CAMSAP2: variants seen among roughly 807,000 people sequenced by gnomAD.
CAMSAP2 encodes the protein calmodulin-regulated spectrin-associated protein 2.
In CAMSAP2, 26 loss-of-function variants were observed where a neutral mutation model predicts 146.1. The ratio of observed to expected loss-of-function variants is 0.18; its 90% CI spans 0.13 to 0.25. The LOEUF is 0.25. CAMSAP2 is among the 10% of genes least tolerant of loss of function. The pLI is 1.00. For synonymous variants in CAMSAP2, 499 were observed against 596.6 expected (o/e 0.84, Z 2.38); for missense variants, 1,381 against 1,759.3 (o/e 0.78, Z 3.85).
intron 2 of CAMSAP2, among the ~76,000 whole-genome samples, chr1:200,801,281 A>G (rs1043615486): frequency 6.7e-6 from 1 of 150,048 alleles, no homozygotes; most frequent in Non-Finnish European, 1.5e-5. Context: ...AAAAAAAAAT[A>G]GAATGTTGAA....
rs141872752 is a variant in CAMSAP2 at position 200,778,605 on chromosome 1, A to C, written c.399+17507A>C. 3.3e-4 allele frequency among the ~76,000 whole-genome samples: 50 copies of C among 152,288 alleles called. 1 individual carries two copies. In the East Asian group the frequency reaches 7.7e-3, roughly 24 times the overall value. On this transcript the variant is annotated intron_variant, in intron 2 of 16. Coordinates refer to ENST00000358823, the MANE Select transcript of CAMSAP2 (RefSeq NM_203459.4). ...TTTTTGTGTCTAGCTGTGTTGTTTA[A>C]AATTTAACAAATAATTAATCATGTT...
chr1:200,848,832 G>A lies in CAMSAP2; in HGVS notation c.2063G>A (p.Ser688Asn), dbSNP rs761739448. ...TCTAGTTCTGGAGTTAAAATGACCA[G>A]CTTTGCTGAACAAAAATTCAGGAAA... Reference protein sequence around the residue: ...ASSSSGVKMTSFAEQKFRKLN... With the variant: ...ASSSSGVKMTNFAEQKFRKLN... The change falls in exon 11 of 17, where the codon AGC (serine) becomes AAC (asparagine). Residue 688 changes from serine to asparagine, a missense_variant. Around this residue, in one of 4 missense-constraint regions of CAMSAP2, gnomAD observed 447 missense variants for 462.2 expected, o/e 0.97. Coordinates refer to ENST00000358823, the MANE Select transcript of CAMSAP2 (RefSeq NM_203459.4). 1 of 1,614,138 alleles carries A rather than the reference G, an allele frequency of 6.2e-7. No individual in the cohort carries two copies. The highest frequency in any genetic ancestry group is 8.5e-7 in the Non-Finnish European group (1 of 1,179,996).
At chr1:200,745,081 A>G (rs537284434) in intron 1 of CAMSAP2, among the ~76,000 whole-genome samples, 305 of 152,308 alleles carry the variant, frequency 2.0e-3, no homozygotes, top group African/African-American at 6.7e-3. Flanking sequence ...AATTCTGAGA[A>G]TGAGCCTATT....
At chr1:200,741,481 T>A (rs945535644) in intron 1 of CAMSAP2, among the ~76,000 whole-genome samples, 3 of 152,200 alleles carry the variant, frequency 2.0e-5, no homozygotes, top group African/African-American at 7.2e-5. Context: ...GGATGGCAAA[T>A]CAAGGCTATT....
Position 200,856,006 on chromosome 1 carries a change from T to C in CAMSAP2, c.3897-4T>C. Reference sequence around the variant, plus strand: ...ACATAAAACATATTTTATTTTCTAATTAGATCAGAGTCTGTAGAAGGCTTC... The same window carrying C: ...ACATAAAACATATTTTATTTTCTAACTAGATCAGAGTCTGTAGAAGGCTTC... On this transcript the variant is annotated splice_polypyrimidine_tract_variant and splice_region_variant and intron_variant, in intron 14 of 16. Transcript: ENST00000358823. 4 of 1,586,796 alleles carry C rather than the reference T, an allele frequency of 2.5e-6. No homozygotes were observed. The highest frequency in any genetic ancestry group is 3.5e-6 in the Non-Finnish European group (4 of 1,157,536).
In CAMSAP2 at chr1:200,860,673, C is replaced by T. The variant is rs996235936; in HGVS notation, c.*2614C>T. On this transcript the variant is annotated 3_prime_UTR_variant, in exon 17 of 17. Transcript: ENST00000358823. ...ATTTCCTGGTACAGTGTAGTTTTTC[C>T]CCTTTCATTTGAATAAAAGCATGGC... The T allele has an allele frequency of 6.6e-6, 1 of 152,208 alleles. No individual in the cohort carries two copies. The highest frequency in any genetic ancestry group is 2.1e-4 in the South Asian group (1 of 4,830). 9.4% of individuals were successfully genotyped at this position (152,208 alleles called of 1,614,324 possible).
intron 2 of CAMSAP2, among the ~76,000 whole-genome samples, chr1:200,780,512 G>A (rs1012638955): frequency 5.3e-5 from 8 of 151,676 alleles, no homozygotes; most frequent in African/African-American, 1.9e-4. Flanking sequence ...ATAAGTTCTG[G>A]TACCCACCAG....
At chr1:200,806,769 C>G (rs61827520) in intron 2 of CAMSAP2, among the ~76,000 whole-genome samples, 11,538 of 40,548 alleles carry the variant, frequency 0.28, 465 homozygotes, top group Middle Eastern at 0.37. Flanking sequence ...GTGTGTGTAT[C>G]TATCTATCTA....
At chr1:200,779,749 T>C (rs1203025436) in intron 2 of CAMSAP2, among the ~76,000 whole-genome samples, 3 of 151,888 alleles carry the variant, frequency 2.0e-5, no homozygotes, top group African/African-American at 4.8e-5. Flanking sequence ...TTTTTTCTGA[T>C]TTTTTTTCCA....
intron 4 of CAMSAP2, among the ~76,000 whole-genome samples, chr1:200,825,775 G>T (rs974971695): frequency 3.3e-5 from 5 of 152,090 alleles, no homozygotes; most frequent in African/African-American, 1.2e-4. Flanking sequence ...CAAAGTGCTG[G>T]GATTACAGGT....
chr1:200,843,565 T>C (rs1414249734), intron 7 of CAMSAP2, among the ~76,000 whole-genome samples: 2 of 152,220 alleles, frequency 1.3e-5, no homozygotes, highest in Non-Finnish European at 2.9e-5. Flanking sequence ...GGGTTTTCAC[T>C]ACATTGCTTT....
intron 3 of CAMSAP2, among the ~76,000 whole-genome samples, chr1:200,808,033 C>T (rs1409397763): frequency 2.0e-5 from 3 of 152,052 alleles, no homozygotes; most frequent in African/African-American, 4.8e-5. Context: ...TGAGCCACCA[C>T]GCCTGGCCAA....
At chr1:200,793,454 G>T (rs1195659500) in intron 2 of CAMSAP2, among the ~76,000 whole-genome samples, 6 of 151,932 alleles carry the variant, frequency 3.9e-5, no homozygotes, top group African/African-American at 1.5e-4. Context: ...TTATATATGG[G>T]AAAACAAAAT....
intron 2 of CAMSAP2, among the ~76,000 whole-genome samples, chr1:200,806,023 A>G (rs908488932): frequency 1.3e-5 from 2 of 152,198 alleles, no homozygotes; most frequent in African/African-American, 2.4e-5. Context: ...TAATATTTCT[A>G]TATTTTGGGG....
At chr1:200,746,419 G>A (rs1021431305) in intron 1 of CAMSAP2, among the ~76,000 whole-genome samples, 3 of 152,160 alleles carry the variant, frequency 2.0e-5, no homozygotes, top group African/African-American at 4.8e-5. Flanking sequence ...TTGTGAGAAA[G>A]GGAACAATGG....
At chr1:200,806,784 T>G (rs1200886494) in intron 2 of CAMSAP2, among the ~76,000 whole-genome samples, 3 of 151,410 alleles carry the variant, frequency 2.0e-5, no homozygotes, top group Non-Finnish European at 2.9e-5. Flanking sequence ...TATCTATCTA[T>G]CTATCTATCT....
intron 1 of CAMSAP2, among the ~76,000 whole-genome samples, chr1:200,751,796 G>A (rs2102992421): frequency 6.6e-6 from 1 of 152,284 alleles, no homozygotes; most frequent in South Asian, 2.1e-4. Context: ...AAGATGGAGA[G>A]ACACAGAGGT....
At chr1:200,812,168 T>A (rs1354590103) in intron 3 of CAMSAP2, among the ~76,000 whole-genome samples, 1 of 152,162 alleles carries the variant, frequency 6.6e-6, no homozygotes, top group Non-Finnish European at 1.5e-5. Context: ...TAGAATAGTC[T>A]ATGTGAGGAT....
At chr1:200,788,257 A>G (rs745858378) in intron 2 of CAMSAP2, among the ~76,000 whole-genome samples, 2 of 152,208 alleles carry the variant, frequency 1.3e-5, no homozygotes, top group Non-Finnish European at 2.9e-5. Flanking sequence ...TGAATGTGCT[A>G]CAGTTTTAAA....
Sources: allele counts gnomAD v4.1 joint callset (sites outside exome capture counted in the v4.1 genomes callset), GRCh38; gene constraint gnomAD v4.1.1; regional missense constraint gnomAD v4.1.1; transcripts MANE v1.5; gene names NCBI Gene and HGNC (gene_info 2026-07-23, HGNC 2026-07-21).